PPP1R12B: variants seen among roughly 807,000 people sequenced by gnomAD.
PPP1R12B encodes myosin phosphatase target subunit 2.
In PPP1R12B, 76 loss-of-function variants were observed where a neutral mutation model predicts 126.1. The ratio of observed to expected loss-of-function variants is 0.60; its 90% CI spans 0.50 to 0.73. PPP1R12B has a LOEUF of 0.73. Among genes scored for constraint, PPP1R12B ranks in the 30% least tolerant of loss-of-function variants. PPP1R12B has a pLI of 0.00. For missense variants in PPP1R12B, 1,052 were observed against 1,205.1 expected (o/e 0.87, Z 1.88); for synonymous variants, 356 against 434.7 (o/e 0.82, Z 2.25).
At chr1:202,488,880 T>C (rs560801182) in intron 14 of PPP1R12B, among the ~76,000 whole-genome samples, 1 of 152,094 alleles carries the variant, frequency 6.6e-6, no homozygotes, top group South Asian at 2.1e-4. Flanking sequence ...CTGTCTCTAC[T>C]AAAAATATGA....
chr1:202,496,707 G>A (rs1679597320), intron 17 of PPP1R12B, 74 bp from the exon 18 acceptor site: 1 of 1,335,342 alleles, frequency 7.5e-7, no homozygotes. Context: ...CATAATTGAT[G>A]GGATCTGACC....
Position 202,395,327 on chromosome 1 carries a change from T to C in PPP1R12B, c.292-21460T>C, listed in dbSNP as rs545753497. On this transcript the variant is annotated intron_variant, in intron 1 of 23. Coordinates refer to ENST00000608999, the MANE Select transcript of PPP1R12B (RefSeq NM_002481.4). ...GTATTAGGACCATGTTGTTCCCCAT[T>C]GTCACTTCCTGAGCATTATTTCTTA... is the stretch of plus-strand genomic sequence containing the variant. Among the ~76,000 whole-genome samples the C allele has an allele frequency of 1.1e-4, 16 of 152,234 alleles. No homozygotes were observed. In the South Asian group the frequency reaches 3.3e-3, roughly 32 times the overall value.
chr1:202,526,050 A>G (rs1339420494), intron 18 of PPP1R12B, among the ~76,000 whole-genome samples: 1 of 152,158 alleles, frequency 6.6e-6, no homozygotes, highest in Non-Finnish European at 1.5e-5. Flanking sequence ...CCCAATGGAG[A>G]ACAACAACAA....
chr1:202,550,587 A>T (rs1686206529), intron 18 of PPP1R12B, among the ~76,000 whole-genome samples: 2 of 152,172 alleles, frequency 1.3e-5, no homozygotes. Context: ...AATCATCTGA[A>T]TGTATTTCAT....
chr1:202,567,679 T>G (rs182086905), intron 21 of PPP1R12B, 99 bp from the exon 22 acceptor site: 75 of 1,322,040 alleles, frequency 5.7e-5, no homozygotes, highest in Non-Finnish European at 7.5e-5. Context: ...GTTTTACTGT[T>G]TATTTCTAGA....
chr1:202,566,336 A>G (rs1244132129), intron 21 of PPP1R12B, among the ~76,000 whole-genome samples: 3 of 152,220 alleles, frequency 2.0e-5, no homozygotes, highest in Admixed American at 2.0e-4. Context: ...GCCAAATACA[A>G]GTTATTGAAA....
intron 18 of PPP1R12B, among the ~76,000 whole-genome samples, chr1:202,547,747 A>C (rs3767405): frequency 0.43 from 66,008 of 152,018 alleles, 15,674 homozygotes; most frequent in East Asian, 0.71. Context: ...AATGACCTTA[A>C]ATGTGTGTAG....
Position 202,577,439 on chromosome 1 carries a change from CTGTT to C in PPP1R12B, c.2863-3032_2863-3029del, listed in dbSNP as rs753213380. On this transcript the variant is annotated intron_variant, in intron 23 of 23. Coordinates refer to ENST00000608999, the MANE Select transcript of PPP1R12B (RefSeq NM_002481.4). The stretch of plus-strand genomic sequence containing the variant: ...CAGAGCTGAGGAGTAGCAACAGAGA[CTGTT>C]TGACCTGCAAACCCTAAGATACTTA... Among the ~76,000 whole-genome samples, 6 of 152,214 alleles carry C rather than the reference CTGTT, an allele frequency of 3.9e-5. No individual in the cohort carries two copies. In the South Asian group the frequency reaches 6.2e-4, roughly 16 times the overall value.
intron 1 of PPP1R12B, among the ~76,000 whole-genome samples, chr1:202,359,369 G>C (rs1195579027): frequency 6.6e-6 from 1 of 151,838 alleles, no homozygotes; most frequent in East Asian, 1.9e-4. Flanking sequence ...CTGACCTCAG[G>C]TGATCCACCT....
At chr1:202,401,105 T>C (rs1665758297) in intron 1 of PPP1R12B, among the ~76,000 whole-genome samples, 1 of 152,228 alleles carries the variant, frequency 6.6e-6, no homozygotes, top group African/African-American at 2.4e-5. Context: ...TGTCTATAGC[T>C]GCTTTTACAT....
At chr1:202,474,196 G>A (rs1467928000) in intron 13 of PPP1R12B, among the ~76,000 whole-genome samples, 2 of 152,122 alleles carry the variant, frequency 1.3e-5, no homozygotes, top group Non-Finnish European at 1.5e-5. Context: ...TAAGATTACT[G>A]TAATACTGCC....
In PPP1R12B at chr1:202,588,259, C is replaced by T. The variant is rs1689943969; in HGVS notation, c.*7699C>T. ...CCTAGTTCCACCAAGGTTCACACACCAGATGTAACTGTTTTTCAGCTGAGT... is the reference window on the plus strand; with the variant it reads ...CCTAGTTCCACCAAGGTTCACACACTAGATGTAACTGTTTTTCAGCTGAGT... On this transcript the variant is annotated 3_prime_UTR_variant, in exon 24 of 24. Coordinates refer to ENST00000608999, the MANE Select transcript of PPP1R12B (RefSeq NM_002481.4). 2.0e-5 allele frequency: 3 copies of T among 152,558 alleles called. No homozygotes were observed. Among genetic ancestry groups the T allele is most frequent in the Admixed American group, 2.0e-4 (3 of 15,280 alleles). The allele number at this position is 152,558 out of a possible 1,614,324, so 9.5% of individuals were successfully genotyped here. A position where few individuals can be genotyped will look rare whatever the true frequency, so the allele number is the denominator to read the frequency against.
At chr1:202,572,219 G>A (rs1688672046) in intron 23 of PPP1R12B, among the ~76,000 whole-genome samples, 1 of 152,204 alleles carries the variant, frequency 6.6e-6, no homozygotes. Flanking sequence ...ACCCAGTAGA[G>A]CTTGGGGCCA....
intron 1 of PPP1R12B, among the ~76,000 whole-genome samples, chr1:202,414,605 T>G (rs1196728332): frequency 6.6e-6 from 1 of 152,142 alleles, no homozygotes; most frequent in African/African-American, 2.4e-5. Flanking sequence ...ATGGTCACAT[T>G]TTATTGCAAC....
chr1:202,507,855 G>T (rs1338571478), intron 18 of PPP1R12B, among the ~76,000 whole-genome samples: 1 of 152,220 alleles, frequency 6.6e-6, no homozygotes, highest in Non-Finnish European at 1.5e-5. Context: ...AGCATGGCTG[G>T]AGAGCCTTAA....
At chr1:202,517,377 C>T (rs934246013) in intron 18 of PPP1R12B, among the ~76,000 whole-genome samples, 1 of 152,120 alleles carries the variant, frequency 6.6e-6, no homozygotes, top group Non-Finnish European at 1.5e-5. Flanking sequence ...TACAGTGTTC[C>T]AGACTTGCTC....
At chr1:202,380,939 C>T (rs1156812106) in intron 1 of PPP1R12B, among the ~76,000 whole-genome samples, 2 of 152,192 alleles carry the variant, frequency 1.3e-5, no homozygotes, top group Non-Finnish European at 2.9e-5. Flanking sequence ...ACTGATAGTG[C>T]TAGAATTTAT....
chr1:202,465,727 G>A (rs985977157), intron 13 of PPP1R12B, among the ~76,000 whole-genome samples: 2 of 152,132 alleles, frequency 1.3e-5, no homozygotes, highest in Non-Finnish European at 2.9e-5. Context: ...CTTCCTCAGA[G>A]TCTCTTAAAT....
At chr1:202,568,169 TACAC>T (rs112151278) in intron 22 of PPP1R12B, among the ~76,000 whole-genome samples, 3,678 of 147,434 alleles carry the variant, frequency 0.025, 57 homozygotes, top group African/African-American at 0.042. Context: ...AATCATTGCA[TACAC>T]ACACACACAC....
Sources: gnomAD v4.1 joint callset for allele counts (sites outside exome capture counted in the v4.1 genomes callset) on GRCh38, gnomAD v4.1.1 for gene constraint, MANE v1.5 for transcripts, NCBI Gene and HGNC (gene_info 2026-07-23, HGNC 2026-07-21) for gene names.